The following SUCLA2 variants were observed in gnomAD, a reference collection of about 807,000 sequenced individuals.
SUCLA2 encodes the protein succinate--CoA ligase [ADP-forming] subunit beta, mitochondrial.
SUCLA2 carries 30 observed loss-of-function variants against 54.8 expected under a neutral mutation model. The ratio of observed to expected loss-of-function variants is 0.55; its 90% confidence interval spans 0.41 to 0.74. The LOEUF (loss-of-function observed/expected upper bound fraction) is 0.74, where lower values mean the gene tolerates loss of function less well. Among genes scored for constraint, SUCLA2 ranks in the 30% least tolerant of loss-of-function variants. The probability of loss-of-function intolerance (pLI) is 0.00; values close to 1 mark genes in which losing one functional copy is unlikely to be tolerated. For synonymous variants in SUCLA2, 172 were observed against 188.9 expected (o/e 0.91, Z 0.74); for missense variants, 476 against 562.9 (o/e 0.85, Z 1.56).
chr13:47,955,337 G>A (rs1004173240), intron 6 of SUCLA2, among the ~76,000 whole-genome samples: 1 of 152,072 alleles, frequency 6.6e-6, no homozygotes, highest in African/African-American at 2.4e-5. Flanking sequence ...GAGTAGCTGG[G>A]AATACAGGCA....
At chr13:47,948,578 C>A (rs1471570617) in intron 10 of SUCLA2, among the ~76,000 whole-genome samples, 2 of 152,092 alleles carry the variant, frequency 1.3e-5, no homozygotes, top group Admixed American at 1.3e-4. Context: ...TTGCTTAAGT[C>A]AGTTTAGCCA....
At chr13:47,960,502 G>C (rs1408752577) in intron 6 of SUCLA2, among the ~76,000 whole-genome samples, 1 of 152,106 alleles carries the variant, frequency 6.6e-6, no homozygotes, top group African/African-American at 2.4e-5. Context: ...GAATAAAAAT[G>C]TTTAAATGTT....
chr13:47,968,935 C>T (rs1240852259), intron 5 of SUCLA2, among the ~76,000 whole-genome samples: 1 of 152,104 alleles, frequency 6.6e-6, no homozygotes, highest in Non-Finnish European at 1.5e-5. Context: ...ATATTATGCC[C>T]ATTTTATAGA....
In SUCLA2 at chr13:47,948,412, GTCTCCCTA is replaced by G. The variant is rs200485275; in HGVS notation, c.1317+520_1317+527del. Among the ~76,000 whole-genome samples, 14 of 152,104 alleles carry G rather than the reference GTCTCCCTA, an allele frequency of 9.2e-5. No individual in the cohort carries two copies. The East Asian group carries it at 2.1e-3, about 23-fold the overall frequency. The stretch of plus-strand genomic sequence containing the variant: ...GTGTGCGCACATGTGTGAAGATAGG[GTCTCCCTA>G]TGTTGCCCAGGCTAGTCTCAAACTC... On this transcript the variant is annotated intron_variant, in intron 10 of 10. Transcript: ENST00000646932.
At chr13:47,970,023 A>G (rs1949949675) in intron 5 of SUCLA2, among the ~76,000 whole-genome samples, 1 of 150,048 alleles carries the variant, frequency 6.7e-6, no homozygotes, top group African/African-American at 2.5e-5. Flanking sequence ...AACTGCTTGA[A>G]CTCAGGAGGT....
At chr13:47,946,237 T>C (rs1441716647) in intron 10 of SUCLA2, among the ~76,000 whole-genome samples, 2 of 152,192 alleles carry the variant, frequency 1.3e-5, no homozygotes, top group Non-Finnish European at 2.9e-5. Context: ...ATAAACTTTA[T>C]CAAAGGAATA....
intron 1 of SUCLA2, among the ~76,000 whole-genome samples, chr13:47,999,030 A>C (rs1950209664): frequency 2.0e-5 from 3 of 152,190 alleles, no homozygotes; most frequent in African/African-American, 7.2e-5. Flanking sequence ...AAATAAAGAC[A>C]CTTGGGTCCC....
At chr13:47,992,388 C>CAAAAAAAAAAAAA (rs35103136) in intron 2 of SUCLA2, among the ~76,000 whole-genome samples, 1 of 93,072 alleles carries the variant, frequency 1.1e-5, no homozygotes. Context: ...ACAACGAAAG[C>CAAAAAAAAAAAAA]AAAAAAAAAA....
At chr13:47,953,784 A>T (rs903865914) in intron 8 of SUCLA2, among the ~76,000 whole-genome samples, 6 of 152,300 alleles carry the variant, frequency 3.9e-5, no homozygotes, top group South Asian at 4.1e-4. Flanking sequence ...CAAAATCTAC[A>T]CTGGCCACAC....
intron 8 of SUCLA2, 128 bp from the exon 9 acceptor site, chr13:47,949,731 A>G: frequency 1.1e-6 from 1 of 909,244 alleles, no homozygotes; most frequent in South Asian, 1.4e-5. Flanking sequence ...CCAAACCACA[A>G]TACCCTCTTC....
At chr13:47,992,347 G>A (rs1398788203) in intron 2 of SUCLA2, among the ~76,000 whole-genome samples, 5 of 70,922 alleles carry the variant, frequency 7.1e-5, no homozygotes, top group East Asian at 4.9e-4. Flanking sequence ...ATGATTCTTC[G>A]AAAGTTCCTT....
chr13:47,992,549 T>C (rs1950158293), intron 2 of SUCLA2, among the ~76,000 whole-genome samples: 1 of 152,244 alleles, frequency 6.6e-6, no homozygotes, highest in African/African-American at 2.4e-5. Context: ...TACCAGACAC[T>C]GTGCTAGCGT....
chr13:47,971,296 A>C (rs894334406), intron 5 of SUCLA2, among the ~76,000 whole-genome samples: 3 of 151,404 alleles, frequency 2.0e-5, no homozygotes, highest in Non-Finnish European at 2.9e-5. Flanking sequence ...GCATGCCTGT[A>C]ATCCTAGCTA....
chr13:47,964,088 G>A (rs1830168270), intron 6 of SUCLA2, among the ~76,000 whole-genome samples: 1 of 152,158 alleles, frequency 6.6e-6, no homozygotes, highest in African/African-American at 2.4e-5. Context: ...AGTGTAAACG[G>A]TTGAATGAAA....
At chr13:47,984,868 T>G (rs1950088482) in intron 4 of SUCLA2, among the ~76,000 whole-genome samples, 1 of 152,170 alleles carries the variant, frequency 6.6e-6, no homozygotes, top group Non-Finnish European at 1.5e-5. Context: ...TATAACTATT[T>G]CAGGTAAAGT....
intron 4 of SUCLA2, among the ~76,000 whole-genome samples, chr13:47,974,742 TTATC>T (rs939405818): frequency 2.0e-5 from 3 of 152,156 alleles, no homozygotes; most frequent in African/African-American, 4.8e-5. Context: ...AAATCATAAA[TTATC>T]TAATAGATCT....
At chr13:47,972,105 A>AT (rs368583943) in intron 5 of SUCLA2, 3 of 352,276 alleles carry the variant, frequency 8.5e-6, no homozygotes, top group African/African-American at 4.2e-5. Flanking sequence ...AAATACAAAA[A>AT]TTAGCCGGGC....
chr13:47,974,793 TG>T (rs1453142331), intron 4 of SUCLA2, among the ~76,000 whole-genome samples: 1 of 152,020 alleles, frequency 6.6e-6, no homozygotes, highest in Non-Finnish European at 1.5e-5. Context: ...AATGTTAACA[TG>T]AAAAAAAGAG....
intron 6 of SUCLA2, among the ~76,000 whole-genome samples, chr13:47,958,314 C>T (rs1478695147): frequency 1.3e-5 from 2 of 152,118 alleles, no homozygotes; most frequent in Admixed American, 1.3e-4. Flanking sequence ...TATCTCATGG[C>T]TAGAGTTCCA....
Sources: gnomAD v4.1 joint callset for allele counts (sites outside exome capture counted in the v4.1 genomes callset) on GRCh38, gnomAD v4.1.1 for gene constraint, MANE v1.5 for transcripts, NCBI Gene and HGNC (gene_info 2026-07-23, HGNC 2026-07-21) for gene names.